The following CFAP161 variants were observed in gnomAD, a reference collection of about 807,000 sequenced individuals.
CFAP161 encodes the protein cilia and flagella associated protein 161, also known as cilia- and flagella-associated protein 161.
In CFAP161, 25 loss-of-function variants were observed where a neutral mutation model predicts 29.0. The observed-to-expected ratio is 0.86, with a 90% CI of 0.63 to 1.20. CFAP161 has a LOEUF of 1.20. CFAP161 is among the 50% of genes most tolerant of loss of function. The pLI is 0.00. For missense variants in CFAP161, 367 were observed against 371.9 expected, an observed-to-expected ratio of 0.99 and a Z score of 0.11; for synonymous variants, 116 against 137.4, an observed-to-expected ratio of 0.84 and a Z score of 1.09.
chr15:81,105,191 CCCTCACT>C (rs1894355055), intron 1 of CFAP161, among the ~76,000 whole-genome samples: 1 of 71,524 alleles, frequency 1.4e-5, no homozygotes, highest in Non-Finnish European at 2.9e-5. Context: ...CTTTTTTCCT[CCCTCACT>C]CCCCCTCCTC....
chr15:81,125,779 A>G (rs1894632962), intron 1 of CFAP161, among the ~76,000 whole-genome samples: 1 of 152,206 alleles, frequency 6.6e-6, no homozygotes, highest in South Asian at 2.1e-4. Context: ...CTAAACACAT[A>G]TACACACTCA....
At chr15:81,122,995 T>C (rs1385063890) in intron 1 of CFAP161, among the ~76,000 whole-genome samples, 1 of 152,214 alleles carries the variant, frequency 6.6e-6, no homozygotes, top group African/African-American at 2.4e-5. Flanking sequence ...AGGTTGTCTG[T>C]TTACTCTGTT....
chr15:81,122,877 A>G (rs757660488), intron 1 of CFAP161, among the ~76,000 whole-genome samples: 5 of 152,024 alleles, frequency 3.3e-5, no homozygotes, highest in Non-Finnish European at 5.9e-5. Context: ...CCACTTTTTA[A>G]TGGGGTTGTT....
At chr15:81,111,446 T>A (rs866539946) in intron 1 of CFAP161, among the ~76,000 whole-genome samples, 1 of 152,230 alleles carries the variant, frequency 6.6e-6, no homozygotes, top group Admixed American at 6.5e-5. Context: ...GCATCACCTC[T>A]CCTGGGGCTA....
intron 1 of CFAP161, among the ~76,000 whole-genome samples, chr15:81,104,012 T>A (rs111451292): frequency 3.7e-4 from 56 of 152,034 alleles, no homozygotes; most frequent in African/African-American, 1.2e-3. Context: ...TTTCAGAGAG[T>A]TTTTCCCTAA....
chr15:81,133,492 G>A (rs1336066066), upstream of CFAP161, among the ~76,000 whole-genome samples: 1 of 152,044 alleles, frequency 6.6e-6, no homozygotes. Context: ...TGTCTTACTA[G>A]ACACTAAATA....
Position 81,136,436 on chromosome 15 carries a change from C to T in CFAP161, c.160-80C>T, listed in dbSNP as rs77456811. 555 of 1,288,602 alleles carry T rather than the reference C, an allele frequency of 4.3e-4. 2 individuals are homozygous for T. The African/African-American group carries it at 7.3e-3, about 17-fold the overall frequency. The allele number at this position is 1,288,602 out of a possible 1,614,324, so 79.8% of individuals were successfully genotyped here. On this transcript the variant is annotated intron_variant, in intron 2 of 6. Transcript: ENST00000286732. ...ATCCTGAATGAAATGGGTACTAGTC[C>T]GAGAAGGAAGAAAATTGCCTTGGCA... is the stretch of plus-strand genomic sequence containing the variant.
chr15:81,128,290 C>T (rs1239585256), intron 2 of CFAP161, among the ~76,000 whole-genome samples: 1 of 152,202 alleles, frequency 6.6e-6, no homozygotes, highest in Admixed American at 6.5e-5. Context: ...TAGCATTTCA[C>T]CCATGGTAGA....
At chr15:81,125,629 G>A (rs1256993877) in intron 1 of CFAP161, among the ~76,000 whole-genome samples, 2 of 152,080 alleles carry the variant, frequency 1.3e-5, no homozygotes, top group Non-Finnish European at 2.9e-5. Context: ...GAACTAAAAG[G>A]TATCTGGGCT....
intron 1 of CFAP161, 142 bp downstream of exon 1, chr15:81,134,540 T>A: frequency 1.2e-6 from 1 of 852,744 alleles, no homozygotes; most frequent in Non-Finnish European, 1.8e-6. Flanking sequence ...CCCACTTCTC[T>A]AAACTCCCAA....
chr15:81,117,977 G>A (rs1894520982), intron 1 of CFAP161: 1 of 478,052 alleles, frequency 2.1e-6, no homozygotes, highest in Non-Finnish European at 3.9e-6. Context: ...GTCAGCTGAG[G>A]CAGGAGCTTG....
intron 4 of CFAP161, 73 bp downstream of exon 4, chr15:81,138,208 C>T: frequency 8.2e-7 from 1 of 1,216,822 alleles, no homozygotes; most frequent in Non-Finnish European, 1.2e-6. Context: ...TAACTATCTA[C>T]TGAAGTGGAC....
At position 81,106,392 on chromosome 15, in the gene CFAP161, G is replaced by A. The variant is rs191250799; in HGVS notation, c.-141-21198G>A. On this transcript the variant is annotated intron_variant, in intron 1 of 4. Transcript: ENST00000560091. Reference sequence around the variant, plus strand: ...TCACCGTGTTAACCAGGATGGTCTCGATCTCCTGACCTCATGATCCGCCTA... The same window carrying A: ...TCACCGTGTTAACCAGGATGGTCTCAATCTCCTGACCTCATGATCCGCCTA... 2.0e-3 allele frequency among the ~76,000 whole-genome samples: 304 copies of A among 152,282 alleles called. 2 individuals are homozygous for A. The highest frequency in any genetic ancestry group is 6.9e-3 in the African/African-American group (288 of 41,562).
chr15:81,147,807 A>T, intron 5 of CFAP161, 51 bp from the exon 6 acceptor site: 2 of 551,634 alleles, frequency 3.6e-6, no homozygotes, highest in South Asian at 3.4e-5. Context: ...CCCTAAAAGC[A>T]AAAAAAAAAA....
chr15:81,134,100 C>T (rs1894763314), upstream of CFAP161: 2 of 530,466 alleles, frequency 3.8e-6, no homozygotes, highest in Non-Finnish European at 6.8e-6. Context: ...TCTCGCCCAC[C>T]CTGCAGTTAA....
intron 1 of CFAP161, among the ~76,000 whole-genome samples, chr15:81,124,337 C>G (rs1894613357): frequency 6.6e-6 from 1 of 152,098 alleles, no homozygotes; most frequent in African/African-American, 2.4e-5. Context: ...TATGTTGAAC[C>G]AACATTACAT....
chr15:81,116,158 G>A (rs1330850087), intron 1 of CFAP161, among the ~76,000 whole-genome samples: 1 of 152,118 alleles, frequency 6.6e-6, no homozygotes, highest in Non-Finnish European at 1.5e-5. Flanking sequence ...CTTAGAGTAG[G>A]TTCCGTTAGG....
intron 2 of CFAP161, among the ~76,000 whole-genome samples, chr15:81,128,067 G>C (rs116305517): frequency 0.01 from 1,596 of 152,348 alleles, 26 homozygotes; most frequent in African/African-American, 0.037. Context: ...TGGCCTTGTA[G>C]AAGTATTTTT....
chr15:81,105,163 T>TCCGTCCCTCCCTCCCTCCCTC (rs1246992229), intron 1 of CFAP161, among the ~76,000 whole-genome samples: 1 of 33,140 alleles, frequency 3.0e-5, no homozygotes, highest in Non-Finnish European at 4.9e-5. Flanking sequence ...CTCCCTCCCT[T>TCCGTCCCTCCCTCCCTCCCTC]CCTTCCTCCC....
Sources: gnomAD v4.1 joint callset for allele counts (sites outside exome capture counted in the v4.1 genomes callset) on GRCh38, gnomAD v4.1.1 for gene constraint, MANE v1.5 for transcripts, NCBI Gene and HGNC (gene_info 2026-07-23, HGNC 2026-07-21) for gene names.